Variants in NCOR1 observed in about 807,000 individuals in gnomAD.
NCOR1 encodes the protein protein phosphatase 1, regulatory subunit 109.
Under a neutral mutation model 288.1 loss-of-function variants are expected in NCOR1, and 63 were observed. That is an observed-to-expected ratio of 0.22 (90% CI 0.18 to 0.27). The LOEUF is 0.27. Among genes scored for constraint, NCOR1 ranks in the 10% least tolerant of loss-of-function variants. NCOR1 has a pLI of 1.00. For synonymous variants in NCOR1, 1,007 were observed against 1,065.9 expected (o/e 0.94, Z 1.08); for missense variants, 2,397 against 3,019.2 (o/e 0.79, Z 4.83).
intron 12 of NCOR1, among the ~76,000 whole-genome samples, chr17:16,138,484 C>T (rs1417405861): frequency 6.6e-6 from 1 of 152,152 alleles, no homozygotes; most frequent in African/African-American, 2.4e-5. Context: ...ACTCAGGAAG[C>T]TGAGGCAGGA....
chr17:16,139,211 A>T, intron 11 of NCOR1, 25 bp from the exon 12 acceptor site: 1 of 1,594,950 alleles, frequency 6.3e-7, no homozygotes, highest in Non-Finnish European at 8.6e-7. Flanking sequence ...CAATTTACTT[A>T]GAATAAAACA....
At chr17:16,095,320 T>G (rs2066248175) in intron 21 of NCOR1, among the ~76,000 whole-genome samples, 1 of 146,304 alleles carries the variant, frequency 6.8e-6, no homozygotes, top group Non-Finnish European at 1.5e-5. Flanking sequence ...GAGGAGACCC[T>G]CTGCCCGGCT....
In NCOR1 at chr17:16,145,750, G is replaced by A. The variant is rs148469426; in HGVS notation, c.1082+626C>T. On this transcript the variant is annotated intron_variant, in intron 10 of 45. Coordinates refer to ENST00000268712, the MANE Select transcript of NCOR1 (RefSeq NM_006311.4). ...CCCTGCCCAGTCAGCCGCCCCATCC[G>A]GGGGGTGGGGCGCCTCCACCTGGCC... Among the ~76,000 whole-genome samples the A allele has an allele frequency of 6.3e-3, 966 of 152,210 alleles. 12 individuals are homozygous for A. The highest frequency in any genetic ancestry group is 0.022 in the African/African-American group (910 of 41,544).
chr17:16,192,017 G>A (rs2153547559), intron 2 of NCOR1: 1 of 150,820 alleles, frequency 6.6e-6, no homozygotes, highest in South Asian at 2.1e-4. Flanking sequence ...AAGGAGGGAT[G>A]AACCCACCCA....
At chr17:16,038,585 A>G (rs2056914104) in intron 44 of NCOR1, among the ~76,000 whole-genome samples, 1 of 152,020 alleles carries the variant, frequency 6.6e-6, no homozygotes, top group Non-Finnish European at 1.5e-5. Context: ...CTACAGCGTG[A>G]GCCACCACAC....
At chr17:16,163,884 GA>G (rs2081415327) in intron 5 of NCOR1, among the ~76,000 whole-genome samples, 1 of 152,168 alleles carries the variant, frequency 6.6e-6, no homozygotes, top group Non-Finnish European at 1.5e-5. Flanking sequence ...CTAAATAAAT[GA>G]AGCCAAACAC....
chr17:16,044,490 G>A (rs185518380), intron 42 of NCOR1: 19 of 477,004 alleles, frequency 4.0e-5, no homozygotes, highest in East Asian at 6.8e-5. Flanking sequence ...AAAGCAGATC[G>A]TCCTTTCCTC....
intron 3 of NCOR1, among the ~76,000 whole-genome samples, chr17:16,174,307 A>G (rs981108033): frequency 9.9e-5 from 15 of 152,264 alleles, no homozygotes; most frequent in Admixed American, 9.2e-4. Context: ...CAAAGCTATT[A>G]TAATCAAAAG....
rs35812448 is a variant in NCOR1, at chr17:16,202,223, C to CAA, written c.-70-7586_-70-7585dup. Reference sequence around the variant, plus strand: ...TGGGCAAAAGGGCGAGACTCCATCTCAAAAAAAAAAAAAAAAAAATACAAA... The same window carrying CAA: ...TGGGCAAAAGGGCGAGACTCCATCTCAAAAAAAAAAAAAAAAAAAAATACAAA... On this transcript the variant is annotated intron_variant, in intron 1 of 45. Transcript: ENST00000268712. Among the ~76,000 whole-genome samples, 746 of 97,346 alleles carry CAA rather than the reference C, an allele frequency of 7.7e-3. 8 individuals are homozygous for CAA. Among genetic ancestry groups the CAA allele is most frequent in the African/African-American group, 0.018 (413 of 23,344 alleles). 63.9% of individuals were successfully genotyped at this position (97,346 alleles called of 152,430 possible).
intron 19 of NCOR1, among the ~76,000 whole-genome samples, chr17:16,104,326 AC>A (rs1475019030): frequency 2.0e-5 from 3 of 152,262 alleles, no homozygotes; most frequent in African/African-American, 4.8e-5. Flanking sequence ...TATAAAAAAA[AC>A]TTCTACAAAT....
chr17:16,209,597 T>A (rs527418896), intron 1 of NCOR1, among the ~76,000 whole-genome samples: 1 of 143,710 alleles, frequency 7.0e-6, no homozygotes, highest in East Asian at 2.0e-4. Flanking sequence ...ATAGCATGAA[T>A]ACATACAGAA....
At chr17:16,085,290 T>C (rs2064048066) in intron 23 of NCOR1, among the ~76,000 whole-genome samples, 1 of 152,158 alleles carries the variant, frequency 6.6e-6, no homozygotes, top group Non-Finnish European at 1.5e-5. Context: ...AGCAATCACG[T>C]CTCATACATT....
At chr17:16,086,496 C>T in intron 22 of NCOR1, 54 bp from the exon 23 acceptor site, 1 of 1,465,492 alleles carries the variant, frequency 6.8e-7, no homozygotes, top group Non-Finnish European at 9.3e-7. Context: ...TAGTTTACAA[C>T]ATGTTACCTC....
chr17:16,128,935 T>C lies in NCOR1; in HGVS notation c.1510-2729A>G, dbSNP rs188129295. ...TCCAGAACATTGCTGAACTGTGATATTTTAAAAATAATTCCTTTTTCACGT... is the reference window on the plus strand; with the variant it reads ...TCCAGAACATTGCTGAACTGTGATACTTTAAAAATAATTCCTTTTTCACGT... On this transcript the variant is annotated intron_variant, in intron 14 of 45. Transcript: ENST00000268712. Among the ~76,000 whole-genome samples the C allele has an allele frequency of 3.0e-3, 463 of 152,326 alleles. 1 individual carries two copies. Among genetic ancestry groups the C allele is most frequent in the South Asian group, 5.6e-3 (27 of 4,820 alleles).
At chr17:16,215,000 C>T (rs1298153854) in intron 1 of NCOR1, among the ~76,000 whole-genome samples, 1 of 152,260 alleles carries the variant, frequency 6.6e-6, no homozygotes, top group African/African-American at 2.4e-5. Context: ...AGGCCCGCCA[C>T]CTGCGCCGGC....
intron 23 of NCOR1, 149 bp downstream of exon 23, chr17:16,086,133 C>A: frequency 1.1e-6 from 1 of 904,716 alleles, no homozygotes; most frequent in Non-Finnish European, 1.7e-6. Context: ...ACAGTGACTG[C>A]TGCATCTTCT....
chr17:16,203,168 C>G (rs546182375), intron 1 of NCOR1, among the ~76,000 whole-genome samples: 44 of 152,278 alleles, frequency 2.9e-4, no homozygotes, highest in Non-Finnish European at 5.1e-4. Context: ...AATACTTTCT[C>G]AACTCAAAAA....
rs756390698 is a variant in NCOR1, at chr17:16,164,919, A to C, written c.618+60T>G. The C allele has an allele frequency of 2.4e-6, 3 of 1,233,486 alleles. No homozygotes were observed. In the African/African-American group the frequency reaches 4.7e-5, roughly 19 times the overall value. The allele number at this position is 1,233,486 out of a possible 1,614,324, so 76.4% of individuals were successfully genotyped here. A position where few individuals can be genotyped will look rare whatever the true frequency, so the allele number is the denominator to read the frequency against. ...AGTTTCAAAATATGGAAAACTCAAA[A>C]ATATCTACTGTAGGGAGACAAACAT... On this transcript the variant is annotated intron_variant, in intron 5 of 45. Transcript: ENST00000268712.
chr17:16,096,908 A>G (rs2066730336), intron 21 of NCOR1, among the ~76,000 whole-genome samples: 7 of 152,380 alleles, frequency 4.6e-5, no homozygotes, highest in Middle Eastern at 3.4e-3. Flanking sequence ...ATGAATGAAT[A>G]AAATGTGATA....
Sources: gnomAD v4.1 joint callset for allele counts (sites outside exome capture counted in the v4.1 genomes callset) on GRCh38, gnomAD v4.1.1 for gene constraint, MANE v1.5 for transcripts, NCBI Gene and HGNC (gene_info 2026-07-23, HGNC 2026-07-21) for gene names.